Variants in DPYD observed in about 807,000 individuals in gnomAD.
DPYD encodes the protein dihydropyrimidine dehydrogenase [NADP(+)].
Under a neutral mutation model 116.2 loss-of-function variants are expected in DPYD, and 109 were observed. The observed-to-expected ratio is 0.94, with a 90% CI of 0.80 to 1.10. The LOEUF is 1.10. Among genes scored for constraint, DPYD ranks in the 50% least tolerant of loss-of-function variants. The pLI is 0.00. For synonymous variants in DPYD, 440 were observed against 432.0 expected (o/e 1.02, Z -0.23); for missense variants, 1,302 against 1,254.5 (o/e 1.04, Z -0.57).
rs139622679 is a variant in DPYD, at chr1:97,916,251, T to C, written c.39+4633A>G. Reference sequence around the variant, plus strand: ...GTACAACGTGCAGGTTAGTTACATATATATACATGTGCCATGTTGGTGTGC... The same window carrying C: ...GTACAACGTGCAGGTTAGTTACATACATATACATGTGCCATGTTGGTGTGC... On this transcript the variant is annotated intron_variant, in intron 1 of 22. Coordinates refer to ENST00000370192, the MANE Select transcript of DPYD (RefSeq NM_000110.4). Among the ~76,000 whole-genome samples, 937 of 152,270 alleles carry C rather than the reference T, an allele frequency of 6.2e-3. 8 individuals carry two copies. Among genetic ancestry groups the C allele is most frequent in the African/African-American group, 0.021 (886 of 41,552 alleles).
chr1:97,141,131 C>T lies in DPYD; in HGVS notation c.2623-42499G>A, dbSNP rs558854781. 2.5e-4 allele frequency among the ~76,000 whole-genome samples: 38 copies of T among 152,230 alleles called. 1 individual carries two copies. The highest frequency in any genetic ancestry group is 8.4e-4 in the African/African-American group (35 of 41,530). On this transcript the variant is annotated intron_variant, in intron 20 of 22. Coordinates refer to ENST00000370192, the MANE Select transcript of DPYD (RefSeq NM_000110.4). ...GTACTGAAGATGTATAGTGATCTCG[C>T]TTCATGTAGGATTGTGCTTGCATTT...
chr1:97,558,556 C>T (rs1453261665), intron 11 of DPYD, among the ~76,000 whole-genome samples: 1 of 152,112 alleles, frequency 6.6e-6, no homozygotes, highest in African/African-American at 2.4e-5. Context: ...GATTTTCCTA[C>T]TGCTATGGTT....
At chr1:97,326,007 T>C (rs1352949996) in intron 16 of DPYD, among the ~76,000 whole-genome samples, 1 of 151,688 alleles carries the variant, frequency 6.6e-6, no homozygotes, top group African/African-American at 2.4e-5. Flanking sequence ...ATAACTCTTA[T>C]ATATGTCTAT....
At chr1:97,409,167 A>C (rs1268118756) in intron 14 of DPYD, among the ~76,000 whole-genome samples, 1 of 152,212 alleles carries the variant, frequency 6.6e-6, no homozygotes, top group Non-Finnish European at 1.5e-5. Flanking sequence ...ACATATAAGC[A>C]CATGGGTTTT....
At chr1:97,601,140 T>C (rs1050742513) in intron 8 of DPYD, among the ~76,000 whole-genome samples, 3 of 152,096 alleles carry the variant, frequency 2.0e-5, no homozygotes, top group African/African-American at 4.8e-5. Context: ...CTAACTGTAA[T>C]TGAATAAAAT....
intron 3 of DPYD, among the ~76,000 whole-genome samples, chr1:97,750,880 C>T (rs188360607): frequency 6.6e-6 from 1 of 152,156 alleles, no homozygotes; most frequent in Admixed American, 6.5e-5. Context: ...TGCAAGGGTC[C>T]TGGCAACTCT....
chr1:97,119,845 T>C (rs1300568278), intron 20 of DPYD, among the ~76,000 whole-genome samples: 16 of 152,182 alleles, frequency 1.1e-4, no homozygotes. Context: ...AGATGTGCAG[T>C]AATCCTCTGA....
chr1:97,712,556 T>A (rs947490081), intron 5 of DPYD, among the ~76,000 whole-genome samples: 10 of 152,132 alleles, frequency 6.6e-5, no homozygotes, highest in African/African-American at 1.2e-4. Context: ...CACTAATAGA[T>A]TATCTTTCCT....
At chr1:97,466,195 A>C (rs1677313506) in intron 13 of DPYD, among the ~76,000 whole-genome samples, 1 of 152,194 alleles carries the variant, frequency 6.6e-6, no homozygotes, top group South Asian at 2.1e-4. Flanking sequence ...CAAATAGAAA[A>C]TCTGGATATA....
At chr1:97,885,334 A>T (rs894691209) in intron 1 of DPYD, among the ~76,000 whole-genome samples, 2 of 152,176 alleles carry the variant, frequency 1.3e-5, no homozygotes, top group East Asian at 1.9e-4. Context: ...TTAACAACAG[A>T]CACAAGCTAA....
At chr1:97,804,922 C>A (rs10875105) in intron 3 of DPYD, among the ~76,000 whole-genome samples, 115,049 of 151,694 alleles carry the variant, frequency 0.76, 44,023 homozygotes, top group East Asian at 0.98. Context: ...GAGGTAGCTG[C>A]AATTCTATTA....
intron 3 of DPYD, among the ~76,000 whole-genome samples, chr1:97,823,256 G>T (rs1188689404): frequency 6.6e-6 from 1 of 152,050 alleles, no homozygotes; most frequent in Admixed American, 6.6e-5. Flanking sequence ...CCCGGTTCAT[G>T]CCATTCTCCT....
intron 10 of DPYD, among the ~76,000 whole-genome samples, chr1:97,590,018 CAA>C (rs1654394698): frequency 2.0e-5 from 3 of 152,166 alleles, no homozygotes; most frequent in African/African-American, 7.2e-5. Flanking sequence ...CCTAACCTTT[CAA>C]AACCTGTATC....
At chr1:97,604,303 C>T (rs902976525) in intron 8 of DPYD, among the ~76,000 whole-genome samples, 9 of 152,052 alleles carry the variant, frequency 5.9e-5, no homozygotes, top group Non-Finnish European at 8.8e-5. Context: ...AGCTACAAAA[C>T]CGCATCTCCT....
chr1:97,721,030 G>T, intron 5 of DPYD: 1 of 1,450,034 alleles, frequency 6.9e-7, no homozygotes, highest in Admixed American at 2.5e-5. Flanking sequence ...AAAATCTAAT[G>T]ACATTATTAA....
At chr1:97,660,400 T>C (rs1305748675) in intron 8 of DPYD, among the ~76,000 whole-genome samples, 3 of 152,160 alleles carry the variant, frequency 2.0e-5, no homozygotes, top group Non-Finnish European at 4.4e-5. Context: ...AAAGGTATCA[T>C]CCCTAGTTGT....
chr1:97,269,616 G>T (rs1164419159), intron 18 of DPYD, among the ~76,000 whole-genome samples: 1 of 152,070 alleles, frequency 6.6e-6, no homozygotes. Context: ...TGAGGTGCTG[G>T]CTGATTCAGT....
chr1:97,703,018 C>T (rs997112109), intron 5 of DPYD, among the ~76,000 whole-genome samples: 5 of 151,888 alleles, frequency 3.3e-5, no homozygotes, highest in Non-Finnish European at 5.9e-5. Flanking sequence ...ATTGTTAGCC[C>T]GATTTGCTCA....
chr1:97,866,407 A>C (rs1361086166), intron 2 of DPYD, among the ~76,000 whole-genome samples: 1 of 151,984 alleles, frequency 6.6e-6, no homozygotes, highest in East Asian at 1.9e-4. Flanking sequence ...TTAAATGTGA[A>C]CTTCAATTTT....
Sources: gnomAD v4.1 joint callset for allele counts (sites outside exome capture counted in the v4.1 genomes callset) on GRCh38, gnomAD v4.1.1 for gene constraint, MANE v1.5 for transcripts, NCBI Gene and HGNC (gene_info 2026-07-23, HGNC 2026-07-21) for gene names.